ADGRG6: variants seen among roughly 807,000 people sequenced by gnomAD.
ADGRG6 encodes the protein adhesion G protein-coupled receptor G6.
A neutral mutation model predicts 142.4 loss-of-function variants in ADGRG6; 84 were observed. That is an observed-to-expected ratio of 0.59 (90% CI 0.49 to 0.71). ADGRG6 has a LOEUF of 0.71. Ranked by LOEUF, ADGRG6 falls within the 30% of genes least tolerant of loss-of-function variation. ADGRG6 has a pLI of 0.00. For missense variants in ADGRG6, 1,367 were observed against 1,466.6 expected (o/e 0.93, Z 1.11); for synonymous variants, 521 against 520.5 (o/e 1.00, Z -0.01).
rs1351130150 is a variant in ADGRG6, at chr6:142,405,943, G to A, written c.2268+115G>A. 1.4e-5 allele frequency: 10 copies of A among 692,050 alleles called. No homozygotes were observed. In the African/African-American group the frequency reaches 1.8e-4, roughly 13 times the overall value. 42.9% of individuals were successfully genotyped at this position (692,050 alleles called of 1,614,324 possible). ...ATCAGAAGGTTTAGAAAAATTTACT[G>A]TGTTTTCAAAACTGAAAATTTTTAA... On this transcript the variant is annotated intron_variant, in intron 15 of 24. Coordinates refer to ENST00000367609, the MANE Select transcript of ADGRG6 (RefSeq NM_198569.3).
rs147757045 is a variant in ADGRG6 at position 142,326,929 on chromosome 6, GAC to G, written c.103+17289_103+17290del. ...TTTAAGAATCCTTTTAAGATTAATT[GAC>G]ACAGATCATTCTTTCAGAAACTGAT... On this transcript the variant is annotated intron_variant, in intron 2 of 24. Transcript: ENST00000367609. 3.1e-3 allele frequency among the ~76,000 whole-genome samples: 476 copies of G among 152,086 alleles called. 4 individuals are homozygous for G. Among genetic ancestry groups the G allele is most frequent in the African/African-American group, 0.011 (455 of 41,496 alleles).
chr6:142,303,225 T>G (rs1245863443), intron 1 of ADGRG6, among the ~76,000 whole-genome samples: 1 of 152,168 alleles, frequency 6.6e-6, no homozygotes, highest in African/African-American at 2.4e-5. Flanking sequence ...CACTAACTCA[T>G]GTACAACAAT....
intron 18 of ADGRG6, among the ~76,000 whole-genome samples, chr6:142,414,416 G>A (rs1776249458): frequency 6.6e-6 from 1 of 152,160 alleles, no homozygotes; most frequent in Non-Finnish European, 1.5e-5. Context: ...AATAAAGACA[G>A]TCCCACCTCA....
chr6:142,334,731 T>A (rs574492404), intron 2 of ADGRG6, among the ~76,000 whole-genome samples: 17 of 152,316 alleles, frequency 1.1e-4, no homozygotes, highest in Admixed American at 8.5e-4. Context: ...TTTGTGATTC[T>A]ATGACTGTTT....
intron 3 of ADGRG6, 139 bp from the exon 4 acceptor site, chr6:142,370,031 G>GAGTAAGAGGGGAGGGATGGGGCA: frequency 1.7e-6 from 1 of 586,494 alleles, no homozygotes; most frequent in Non-Finnish European, 3.0e-6. Context: ...GAGGATAGAT[G>GAGTAAGAGGGGAGGGATGGGGCA]AGTAAGAGGG....
Position 142,437,454 on chromosome 6 carries a change from C to A in ADGRG6, c.3340C>A (p.His1114Asn), listed in dbSNP as rs759105248. The A allele has an allele frequency of 1.3e-6, 2 of 1,543,714 alleles. No homozygotes were observed. The highest frequency in any genetic ancestry group is 1.7e-4 in the Middle Eastern group (1 of 5,922). The change falls in exon 23 of 25, where the codon CAC becomes AAC. Residue 1114 changes from histidine to asparagine, a missense_variant. Around this residue, in one of 3 missense-constraint regions of ADGRG6, gnomAD observed 344 missense variants for 348.7 expected, o/e 0.99. Transcript: ENST00000367609. ...SLQGLFIFIFHCAMKENVQKQ... is the reference protein window; with the variant it reads ...SLQGLFIFIFNCAMKENVQKQ... ...CACAGGCTTATTTATATTCATCTTC[C>A]ACTGTGCTATGAAGGAGAATGTTCA...
chr6:142,358,899 A>G (rs1473692225), intron 2 of ADGRG6, among the ~76,000 whole-genome samples: 2 of 151,650 alleles, frequency 1.3e-5, no homozygotes, highest in African/African-American at 4.8e-5. Context: ...CTCTGTCTCA[A>G]AAAAAGTATC....
chr6:142,392,577 A>G (rs1583081362), intron 7 of ADGRG6, among the ~76,000 whole-genome samples: 1 of 152,126 alleles, frequency 6.6e-6, no homozygotes, highest in East Asian at 1.9e-4. Context: ...TAGAGAGGAA[A>G]TGATAGTTTT....
chr6:142,383,782 T>G lies in ADGRG6; in HGVS notation c.1161T>G (p.Thr387=). 4.4e-6 allele frequency: 7 copies of G among 1,573,384 alleles called. No individual in the cohort carries two copies. The highest frequency in any genetic ancestry group is 6.1e-6 in the Non-Finnish European group (7 of 1,143,538). Residue 387 remains threonine (T), a synonymous_variant, in exon 6 of 25, where the codon ACT becomes ACG. Transcript: ENST00000367609. ...LCQATVNSPS[T]TPPTVTTNMP... ...CAGCTACTGTAAACTCTCCTAGTACTACACCACCCACTGTCACCACTAACA... is the reference window on the plus strand; with the variant it reads ...CAGCTACTGTAAACTCTCCTAGTACGACACCACCCACTGTCACCACTAACA...
chr6:142,348,706 A>T (rs1342310518), intron 2 of ADGRG6, among the ~76,000 whole-genome samples: 1 of 151,954 alleles, frequency 6.6e-6, no homozygotes, highest in East Asian at 1.9e-4. Flanking sequence ...TCTTAATGGG[A>T]ATGTAGGAAA....
rs556601712 is a variant in ADGRG6 at position 142,363,497 on chromosome 6, A to G, written c.104-4072A>G. On this transcript the variant is annotated intron_variant, in intron 2 of 24. Transcript: ENST00000367609. Reference sequence around the variant, plus strand: ...ACGCACAAGTAAATTACTGCTAAATATTTGTAAGCATAGGCAAGAACTGAG... The same window carrying G: ...ACGCACAAGTAAATTACTGCTAAATGTTTGTAAGCATAGGCAAGAACTGAG... Among the ~76,000 whole-genome samples, 12 of 152,322 alleles carry G rather than the reference A, an allele frequency of 7.9e-5. No individual in the cohort carries two copies. In the East Asian group the frequency reaches 1.9e-3, roughly 24 times the overall value.
intron 1 of ADGRG6, among the ~76,000 whole-genome samples, chr6:142,305,805 G>A (rs1306200004): frequency 6.6e-6 from 1 of 152,122 alleles, no homozygotes; most frequent in African/African-American, 2.4e-5. Context: ...TTCAAATAAA[G>A]TTTAAGATTT....
intron 1 of ADGRG6, among the ~76,000 whole-genome samples, chr6:142,303,568 A>T (rs879028230): frequency 6.6e-6 from 1 of 152,244 alleles, no homozygotes; most frequent in African/African-American, 2.4e-5. Context: ...TGGAATCGGC[A>T]AGGTACAACT....
At chr6:142,316,599 T>C (rs1304537037) in intron 2 of ADGRG6, among the ~76,000 whole-genome samples, 1 of 152,164 alleles carries the variant, frequency 6.6e-6, no homozygotes, top group Non-Finnish European at 1.5e-5. Flanking sequence ...TTATTTGTTT[T>C]ATGCCTTAAA....
intron 18 of ADGRG6, among the ~76,000 whole-genome samples, chr6:142,413,389 T>C (rs1018624483): frequency 2.0e-5 from 3 of 152,218 alleles, no homozygotes; most frequent in African/African-American, 7.2e-5. Flanking sequence ...TTCTTTGTAC[T>C]AAAACTGGCT....
intron 2 of ADGRG6, among the ~76,000 whole-genome samples, chr6:142,342,215 A>G (rs1010868861): frequency 6.6e-6 from 1 of 152,042 alleles, no homozygotes; most frequent in Admixed American, 6.6e-5. Flanking sequence ...GGAAAAAAAA[A>G]TTCTCCAGAG....
chr6:142,305,365 T>G (rs1013507429), intron 1 of ADGRG6, among the ~76,000 whole-genome samples: 7 of 151,384 alleles, frequency 4.6e-5, no homozygotes, highest in Non-Finnish European at 1.0e-4. Context: ...ATTCTAATTA[T>G]TGGCCCCATT....
At chr6:142,313,724 G>A (rs552594292) in intron 2 of ADGRG6, among the ~76,000 whole-genome samples, 2 of 152,206 alleles carry the variant, frequency 1.3e-5, no homozygotes, top group South Asian at 4.1e-4. Context: ...ATCATAAAAT[G>A]AACAGTTATT....
Position 142,305,429 on chromosome 6 carries a change from TACACACAC to T in ADGRG6, c.2+3132_2+3139del, listed in dbSNP as rs5880531. Reference sequence around the variant, plus strand: ...TGCCCCCCCCCACGAGCCCCTCCTGTACACACACACACACACACACACACACACACACA... The same window carrying T: ...TGCCCCCCCCCACGAGCCCCTCCTGTACACACACACACACACACACACACA... On this transcript the variant is annotated intron_variant, in intron 1 of 24. Coordinates refer to ENST00000367609, the MANE Select transcript of ADGRG6 (RefSeq NM_198569.3). Among the ~76,000 whole-genome samples, 921 of 120,858 alleles carry T rather than the reference TACACACAC, an allele frequency of 7.6e-3. 15 individuals carry two copies. The highest frequency in any genetic ancestry group is 0.03 in the African/African-American group (858 of 28,602). The allele number at this position is 120,858 out of a possible 152,430, so 79.3% of individuals were successfully genotyped here.
Sources: allele counts gnomAD v4.1 joint callset (sites outside exome capture counted in the v4.1 genomes callset), GRCh38; gene constraint gnomAD v4.1.1; regional missense constraint gnomAD v4.1.1; transcripts MANE v1.5; gene names NCBI Gene and HGNC (gene_info 2026-07-23, HGNC 2026-07-21).